The following LRCH3 variants were observed in gnomAD, a reference collection of about 807,000 sequenced individuals.
The protein encoded by LRCH3 is DISP complex protein LRCH3.
Under a neutral mutation model 104.5 loss-of-function variants are expected in LRCH3, and 68 were observed. That is an observed-to-expected ratio of 0.65 (90% CI 0.54 to 0.80). The LOEUF (loss-of-function observed/expected upper bound fraction) is 0.80. LRCH3 is among the 30% of genes least tolerant of loss of function. The pLI, the probability that LRCH3 is intolerant of heterozygous loss-of-function variation, is 0.00. For synonymous variants in LRCH3, 344 were observed against 361.3 expected (o/e 0.95, Z 0.54); for missense variants, 951 against 953.9 (o/e 1.00, Z 0.04).
intron 15 of LRCH3, among the ~76,000 whole-genome samples, chr3:197,859,696 T>C (rs1740663186): frequency 1.3e-5 from 2 of 152,234 alleles, no homozygotes. Flanking sequence ...CTTACAACTG[T>C]CCTGCTGTGG....
chr3:197,817,074 A>G (rs750327815), intron 2 of LRCH3, 102 bp from the exon 3 acceptor site: 15 of 1,041,976 alleles, frequency 1.4e-5, no homozygotes, highest in Admixed American at 5.5e-5. Context: ...GTTTCTTGCA[A>G]GACTCATATT....
chr3:197,851,909 G>A (rs1042697034), intron 12 of LRCH3, among the ~76,000 whole-genome samples: 5 of 152,154 alleles, frequency 3.3e-5, no homozygotes, highest in African/African-American at 9.7e-5. Flanking sequence ...CTTTGCAGTC[G>A]GAAGGCAGGC....
At chr3:197,799,716 A>G (rs1407515066) in intron 1 of LRCH3, among the ~76,000 whole-genome samples, 1 of 151,998 alleles carries the variant, frequency 6.6e-6, no homozygotes, top group Non-Finnish European at 1.5e-5. Flanking sequence ...AAAATACAAA[A>G]AATTAGCTGG....
At chr3:197,858,034 C>T (rs1740482207) in intron 14 of LRCH3, among the ~76,000 whole-genome samples, 1 of 152,188 alleles carries the variant, frequency 6.6e-6, no homozygotes, top group Non-Finnish European at 1.5e-5. Context: ...AAAGACTTCA[C>T]TATTTTTAAG....
Position 197,883,923 on chromosome 3 carries a change from G to C in LRCH3, c.*257G>C. The C allele has an allele frequency of 2.7e-6, 1 of 374,074 alleles. No homozygotes were observed. The highest frequency in any genetic ancestry group is 4.7e-6 in the Non-Finnish European group (1 of 210,896). 23.2% of individuals were successfully genotyped at this position (374,074 alleles called of 1,614,324 possible). A position where few individuals can be genotyped will look rare whatever the true frequency, so the allele number is the denominator to read the frequency against. ...TTACTGAAAACCCAGCACCTAACTT[G>C]GCTGTGTTTTCCTGGAGAGCAGGCG... On this transcript the variant is annotated 3_prime_UTR_variant, in exon 21 of 21. Coordinates refer to ENST00000425562, the MANE Select transcript of LRCH3 (RefSeq NM_001365715.1). This position sits in a 1 kb window ranked among gnomAD's most constrained non-coding sequence, Gnocchi z 4.2.
chr3:197,835,559 C>A (rs1580721765), intron 8 of LRCH3, 115 bp from the exon 9 acceptor site: 14 of 1,094,712 alleles, frequency 1.3e-5, no homozygotes, highest in Admixed American at 1.1e-4. Flanking sequence ...CTCCCACTTT[C>A]AAAATAGAAA....
At chr3:197,851,965 C>T (rs551777849) in intron 12 of LRCH3, among the ~76,000 whole-genome samples, 3 of 152,234 alleles carry the variant, frequency 2.0e-5, no homozygotes, top group Non-Finnish European at 2.9e-5. Context: ...TTGCACGTGC[C>T]GCATAACCTC....
chr3:197,852,393 T>A, intron 12 of LRCH3, 168 bp from the exon 13 acceptor site: 1 of 635,156 alleles, frequency 1.6e-6, no homozygotes. Context: ...ATGTATAGTT[T>A]TTAAAATTTC....
At chr3:197,872,360 G>GAAAAA (rs56254857) in intron 19 of LRCH3, among the ~76,000 whole-genome samples, 2 of 105,380 alleles carry the variant, frequency 1.9e-5, no homozygotes, top group South Asian at 3.1e-4. Context: ...CTGTCTCAAA[G>GAAAAA]AAAAAAAAAA....
Position 197,839,387 on chromosome 3 carries a change from C to T in LRCH3, c.1318C>T (p.His440Tyr). ...AACAGAAGATATGAGAAGATATTTA[C>T]ATCAAAACAGGTTTGAAAAACCAAT... ...QKTEDMRRYL[H>Y]QNRVPAEPSS... The change falls in exon 10 of 21, where the codon CAT (histidine) becomes TAT (tyrosine). Residue 440 changes from histidine (H) to tyrosine (Y), a missense_variant. His to Tyr is a moderately conservative substitution (Grantham distance 83). Transcript: ENST00000425562. The T allele has an allele frequency of 1.3e-6, 2 of 1,576,280 alleles. No homozygotes were observed. Among genetic ancestry groups the T allele is most frequent in the Non-Finnish European group, 1.7e-6 (2 of 1,162,182 alleles).
chr3:197,839,280 A>T (rs746651502), intron 9 of LRCH3, 41 bp from the exon 10 acceptor site: 15 of 1,354,056 alleles, frequency 1.1e-5, no homozygotes, highest in Non-Finnish European at 1.3e-5. Flanking sequence ...AGTGTTCTGG[A>T]TTAATATACT....
intron 19 of LRCH3, among the ~76,000 whole-genome samples, chr3:197,872,457 TCA>T (rs1417798841): frequency 6.6e-6 from 1 of 150,452 alleles, no homozygotes; most frequent in Non-Finnish European, 1.5e-5. Flanking sequence ...CAAGCCAGGC[TCA>T]GTGGCTTGTG....
rs1457653312 is a variant in LRCH3, at chr3:197,817,168, C to A, written c.408-8C>A. ...CTGATTCTTCTCTCTTTCTACTTACCCATTTAGTCGGAACCAACTGTCAAC... is the reference window on the plus strand; with the variant it reads ...CTGATTCTTCTCTCTTTCTACTTACACATTTAGTCGGAACCAACTGTCAAC... On this transcript the variant is annotated splice_region_variant and splice_polypyrimidine_tract_variant and intron_variant, in intron 2 of 20. Transcript: ENST00000425562. The A allele has an allele frequency of 1.3e-6, 2 of 1,584,450 alleles. No homozygotes were observed. Among genetic ancestry groups the A allele is most frequent in the African/African-American group, 2.7e-5 (2 of 72,908 alleles).
At chr3:197,835,108 C>T (rs1243074503) in intron 8 of LRCH3, among the ~76,000 whole-genome samples, 2 of 152,082 alleles carry the variant, frequency 1.3e-5, no homozygotes, top group African/African-American at 4.8e-5. Flanking sequence ...TGCACCACTG[C>T]ACTGCAGCCT....
rs887318099 is a variant in LRCH3 at position 197,879,375 on chromosome 3, G to A, written c.2208+3600G>A. Reference sequence around the variant, plus strand: ...AAATAGACACCCCCTGGCCGGGCGCGGTGGCTCACGCCTGTAATCCCAGCA... The same window carrying A: ...AAATAGACACCCCCTGGCCGGGCGCAGTGGCTCACGCCTGTAATCCCAGCA... On this transcript the variant is annotated intron_variant, in intron 20 of 20. Coordinates refer to ENST00000425562, the MANE Select transcript of LRCH3 (RefSeq NM_001365715.1). Among the ~76,000 whole-genome samples the A allele has an allele frequency of 4.6e-5, 7 of 152,144 alleles. No individual in the cohort carries two copies. The East Asian group carries it at 7.7e-4, about 17-fold the overall frequency.
At chr3:197,874,462 C>T (rs1712623522) in intron 19 of LRCH3, among the ~76,000 whole-genome samples, 1 of 152,186 alleles carries the variant, frequency 6.6e-6, no homozygotes. Context: ...TGCAGGTAAA[C>T]AAGCTCAGGG....
intron 1 of LRCH3, among the ~76,000 whole-genome samples, chr3:197,801,242 G>T (rs138196942): frequency 6.6e-6 from 1 of 152,078 alleles, no homozygotes; most frequent in African/African-American, 2.4e-5. Context: ...AAAAATATAA[G>T]TGCTAAAAGT....
At chr3:197,848,820 A>G (rs1292425127) in intron 12 of LRCH3, among the ~76,000 whole-genome samples, 1 of 152,208 alleles carries the variant, frequency 6.6e-6, no homozygotes, top group Non-Finnish European at 1.5e-5. Context: ...ATCTCCTTTA[A>G]GTACGATGCG....
chr3:197,850,351 C>CTTTTTTTTTTTTTTT, intron 12 of LRCH3: 2 of 618,704 alleles, frequency 3.2e-6, no homozygotes, highest in Non-Finnish European at 2.6e-6. Context: ...ACCATTTTTT[C>CTTTTTTTTTTTTTTT]TTTTTTTTTT....
Sources: gnomAD v4.1 joint callset for allele counts (sites outside exome capture counted in the v4.1 genomes callset) on GRCh38, gnomAD v4.1.1 for gene constraint, Gnocchi (gnomAD v3.1) non-coding constraint, MANE v1.5 for transcripts, NCBI Gene and HGNC (gene_info 2026-07-23, HGNC 2026-07-21) for gene names.